Variants in XXYLT1 observed in about 807,000 individuals in gnomAD.
XXYLT1 encodes xyloside xylosyltransferase 1.
In XXYLT1, 20 loss-of-function variants were observed where a neutral mutation model predicts 28.9. The observed-to-expected ratio is 0.69, with a 90% CI of 0.49 to 1.00. The LOEUF (loss-of-function observed/expected upper bound fraction) is 1.00. Ranked by LOEUF, XXYLT1 falls within the 50% of genes least tolerant of loss-of-function variation. The probability of loss-of-function intolerance (pLI) is 0.00; values close to 1 mark genes in which losing one functional copy is unlikely to be tolerated. For missense variants in XXYLT1, 542 were observed against 560.1 expected, an observed-to-expected ratio of 0.97 and a Z score of 0.33; for synonymous variants, 257 against 253.8, an observed-to-expected ratio of 1.01 and a Z score of -0.12.
chr3:195,085,542 G>A (rs1044538622), intron 3 of XXYLT1, among the ~76,000 whole-genome samples: 4 of 152,234 alleles, frequency 2.6e-5, no homozygotes, highest in Non-Finnish European at 5.9e-5. Context: ...AAGCACAGCA[G>A]TGCGGTCAGA....
intron 3 of XXYLT1, among the ~76,000 whole-genome samples, chr3:195,151,116 T>C (rs1720216961): frequency 6.6e-6 from 1 of 151,940 alleles, no homozygotes; most frequent in Non-Finnish European, 1.5e-5. Context: ...TCCCCTTCCG[T>C]CCCCTTTGTT....
At chr3:195,190,112 A>T (rs879751220) in intron 2 of XXYLT1, among the ~76,000 whole-genome samples, 29 of 151,158 alleles carry the variant, frequency 1.9e-4, no homozygotes, top group South Asian at 4.1e-4. Context: ...CGTATCTAGC[A>T]AAACAATTCT....
intron 3 of XXYLT1, among the ~76,000 whole-genome samples, chr3:195,108,080 G>C (rs1170400476): frequency 3.3e-5 from 5 of 152,212 alleles, no homozygotes; most frequent in South Asian, 2.1e-4. Flanking sequence ...CTCCCCATAG[G>C]GGGGTCTGGC....
At chr3:195,269,965 C>T (rs1725962857) in intron 1 of XXYLT1, 1 of 166,668 alleles carries the variant, frequency 6.0e-6, no homozygotes, top group Non-Finnish European at 1.3e-5. Flanking sequence ...GCTTTCTCTT[C>T]CTCATTCGGA....
At chr3:195,177,336 T>C (rs1458544620) in intron 2 of XXYLT1, among the ~76,000 whole-genome samples, 1 of 152,186 alleles carries the variant, frequency 6.6e-6, no homozygotes, top group Non-Finnish European at 1.5e-5. Flanking sequence ...AGGACCTCAA[T>C]TTCAAGATGA....
intron 2 of XXYLT1, among the ~76,000 whole-genome samples, chr3:195,207,007 G>A (rs941292442): frequency 3.3e-5 from 5 of 152,010 alleles, no homozygotes; most frequent in Non-Finnish European, 7.4e-5. Flanking sequence ...AAAAAAAAAG[G>A]CCCACGGAGG....
intron 1 of XXYLT1, among the ~76,000 whole-genome samples, chr3:195,242,592 G>C (rs766584891): frequency 2.6e-5 from 4 of 152,162 alleles, no homozygotes; most frequent in Non-Finnish European, 4.4e-5. Context: ...ATAGGGTTTG[G>C]AACAAGGAGA....
intron 3 of XXYLT1, among the ~76,000 whole-genome samples, chr3:195,117,514 T>C (rs1718109753): frequency 6.6e-6 from 1 of 152,240 alleles, no homozygotes; most frequent in South Asian, 2.1e-4. Context: ...TGTGTTGATG[T>C]GTGTCATAAG....
At chr3:195,262,066 C>G (rs1434496189) in intron 1 of XXYLT1, among the ~76,000 whole-genome samples, 1 of 152,256 alleles carries the variant, frequency 6.6e-6, no homozygotes, top group Non-Finnish European at 1.5e-5. Flanking sequence ...CAGCATTATT[C>G]ATAATAGCCT....
intron 1 of XXYLT1, among the ~76,000 whole-genome samples, chr3:195,233,901 C>T (rs866027023): frequency 1.3e-5 from 2 of 151,976 alleles, no homozygotes; most frequent in Non-Finnish European, 2.9e-5. Flanking sequence ...CTAAATAAAT[C>T]CCTTTAGCAT....
At chr3:195,128,960 A>G (rs947625045) in intron 3 of XXYLT1, among the ~76,000 whole-genome samples, 3 of 152,248 alleles carry the variant, frequency 2.0e-5, no homozygotes, top group African/African-American at 7.2e-5. Context: ...AGTGGCCAAG[A>G]AAAACATCCC....
At position 195,077,006 on chromosome 3, in the gene XXYLT1, C is replaced by G. The variant is rs1030378710; in HGVS notation, c.786-6895G>C. 2.0e-5 allele frequency among the ~76,000 whole-genome samples: 3 copies of G among 152,232 alleles called. No homozygotes were observed. The highest frequency in any genetic ancestry group is 4.4e-5 in the Non-Finnish European group (3 of 68,042). Reference sequence around the variant, plus strand: ...ACACACTTCAACCCACAGCACTCTCCAGCAATGAAGATGGAGAAAAACACC... The same window carrying G: ...ACACACTTCAACCCACAGCACTCTCGAGCAATGAAGATGGAGAAAAACACC... On this transcript the variant is annotated intron_variant, in intron 3 of 3. Transcript: ENST00000310380. The surrounding 1 kb of genome is among the most constrained non-coding windows in gnomAD (Gnocchi z 4.8).
chr3:195,090,992 C>T (rs558118804), intron 3 of XXYLT1, among the ~76,000 whole-genome samples: 9 of 151,546 alleles, frequency 5.9e-5, no homozygotes, highest in Admixed American at 2.0e-4. Flanking sequence ...AGTTGAATCT[C>T]TGAATAGACC....
At chr3:195,229,197 CTT>C (rs1724196232) in intron 1 of XXYLT1, among the ~76,000 whole-genome samples, 1 of 152,054 alleles carries the variant, frequency 6.6e-6, no homozygotes, top group Admixed American at 6.6e-5. Context: ...TCTTGGGTCT[CTT>C]TTAATTTCTA....
intron 3 of XXYLT1, among the ~76,000 whole-genome samples, chr3:195,075,360 C>T (rs1470579106): frequency 6.6e-6 from 1 of 152,232 alleles, no homozygotes; most frequent in African/African-American, 2.4e-5. Flanking sequence ...CTGAGGGACT[C>T]CTGGTTCATA....
intron 3 of XXYLT1, among the ~76,000 whole-genome samples, chr3:195,128,862 T>A (rs771659811): frequency 6.6e-6 from 1 of 152,134 alleles, no homozygotes; most frequent in Non-Finnish European, 1.5e-5. Flanking sequence ...TGGTACACAA[T>A]AAATATTTGC....
intron 3 of XXYLT1, among the ~76,000 whole-genome samples, chr3:195,107,792 C>T (rs1197591373): frequency 6.6e-6 from 1 of 151,934 alleles, no homozygotes; most frequent in Non-Finnish European, 1.5e-5. Context: ...TCGGAATCCT[C>T]ATGGCCTCAT....
chr3:195,143,835 TAG>T (rs1470630842), intron 3 of XXYLT1, among the ~76,000 whole-genome samples: 1,186 of 92,120 alleles, frequency 0.013, 79 homozygotes, highest in African/African-American at 0.048. Context: ...TATATAGATA[TAG>T]ATATAGATAT....
intron 2 of XXYLT1, among the ~76,000 whole-genome samples, chr3:195,156,850 C>T (rs185575949): frequency 3.9e-5 from 6 of 152,298 alleles, no homozygotes; most frequent in African/African-American, 1.2e-4. Context: ...GCTCCAGTGT[C>T]GGCCTGCTGT....
Sources: allele counts gnomAD v4.1 joint callset (sites outside exome capture counted in the v4.1 genomes callset), GRCh38; gene constraint gnomAD v4.1.1; non-coding constraint Gnocchi (gnomAD v3.1); transcripts MANE v1.5; gene names NCBI Gene and HGNC (gene_info 2026-07-23, HGNC 2026-07-21).